ULK4: variants seen among roughly 807,000 people sequenced by gnomAD.
The protein encoded by ULK4 is unc-51 like kinase 4.
Under a neutral mutation model 160.6 loss-of-function variants are expected in ULK4, and 133 were observed. The observed-to-expected ratio is 0.83, with a 90% CI of 0.72 to 0.96. The LOEUF is 0.96. ULK4 is among the 40% of genes least tolerant of loss of function. ULK4 has a pLI of 0.00. For missense variants in ULK4, 1,580 were observed against 1,499.5 expected, an observed-to-expected ratio of 1.05 and a Z score of -0.89; for synonymous variants, 534 against 539.8, an observed-to-expected ratio of 0.99 and a Z score of 0.15.
chr3:41,538,379 A>G (rs2125949303), intron 32 of ULK4, among the ~76,000 whole-genome samples: 1 of 152,198 alleles, frequency 6.6e-6, no homozygotes, highest in East Asian at 1.9e-4. Flanking sequence ...TGGTCCTTAC[A>G]TTGGATTCAT....
intron 21 of ULK4, among the ~76,000 whole-genome samples, chr3:41,786,726 C>T (rs1318566637): frequency 1.3e-5 from 2 of 151,590 alleles, no homozygotes; most frequent in African/African-American, 4.8e-5. Flanking sequence ...GTCACAGATA[C>T]ATTTAAAAAA....
At chr3:41,814,553 C>T (rs560742295) in intron 19 of ULK4, among the ~76,000 whole-genome samples, 1 of 152,130 alleles carries the variant, frequency 6.6e-6, no homozygotes, top group Non-Finnish European at 1.5e-5. Flanking sequence ...TAGGTCTATG[C>T]TGATTGTTTT....
intron 20 of ULK4, among the ~76,000 whole-genome samples, chr3:41,797,219 G>A (rs1290202016): frequency 6.6e-6 from 1 of 151,954 alleles, no homozygotes; most frequent in African/African-American, 2.4e-5. Context: ...TTTTTAAAGG[G>A]TTACGAAAAG....
chr3:41,306,770 A>T (rs1053722333), intron 35 of ULK4, among the ~76,000 whole-genome samples: 7 of 151,516 alleles, frequency 4.6e-5, no homozygotes, highest in African/African-American at 1.7e-4. Context: ...AAAGAAGTAA[A>T]CATGGGAGAC....
chr3:41,589,138 G>C (rs1409704421), intron 31 of ULK4, among the ~76,000 whole-genome samples: 3 of 151,694 alleles, frequency 2.0e-5, no homozygotes, highest in Non-Finnish European at 4.4e-5. Flanking sequence ...AAATAACTTA[G>C]CACAGGACTA....
chr3:41,574,174 C>T (rs1038738524), intron 31 of ULK4, among the ~76,000 whole-genome samples: 3 of 151,998 alleles, frequency 2.0e-5, no homozygotes, highest in Admixed American at 6.5e-5. Flanking sequence ...AGCGAAACTC[C>T]GTCTCAAAAA....
intron 35 of ULK4, among the ~76,000 whole-genome samples, chr3:41,274,608 A>G (rs539901591): frequency 6.6e-6 from 1 of 152,348 alleles, no homozygotes; most frequent in Admixed American, 6.5e-5. Flanking sequence ...TTGTTATAAG[A>G]CTATTTTGGC....
chr3:41,265,772 A>G (rs1427208953), intron 35 of ULK4, among the ~76,000 whole-genome samples: 2 of 152,146 alleles, frequency 1.3e-5, no homozygotes, highest in Non-Finnish European at 2.9e-5. Context: ...TTTTTTGCGA[A>G]GCCTTTGAGA....
intron 31 of ULK4, among the ~76,000 whole-genome samples, chr3:41,571,959 C>T (rs893275856): frequency 6.6e-5 from 10 of 152,130 alleles, no homozygotes; most frequent in Admixed American, 1.3e-4. Flanking sequence ...CACACGGGCC[C>T]GAGCTGGGGC....
At chr3:41,371,483 C>G (rs995350880) in intron 35 of ULK4, among the ~76,000 whole-genome samples, 1 of 152,198 alleles carries the variant, frequency 6.6e-6, no homozygotes, top group Non-Finnish European at 1.5e-5. Context: ...GCAGCCTCTG[C>G]TGGTGATACC....
intron 4 of ULK4, 96 bp from the exon 5 acceptor site, chr3:41,932,102 T>C: frequency 9.5e-7 from 1 of 1,049,356 alleles, no homozygotes. Context: ...CTTTTCAGCA[T>C]TGCTATTCTT....
intron 35 of ULK4, among the ~76,000 whole-genome samples, chr3:41,357,875 G>C (rs1193475926): frequency 6.6e-6 from 1 of 152,166 alleles, no homozygotes. Context: ...AGCATCTATC[G>C]TGTGCTGGGC....
intron 18 of ULK4, among the ~76,000 whole-genome samples, chr3:41,828,897 A>T (rs1383649470): frequency 6.6e-6 from 1 of 151,304 alleles, no homozygotes; most frequent in Admixed American, 6.6e-5. Flanking sequence ...TTCAAACTAT[A>T]CTACAAGGCT....
chr3:41,833,873 C>T (rs1290924212), intron 18 of ULK4, among the ~76,000 whole-genome samples: 1 of 152,098 alleles, frequency 6.6e-6, no homozygotes, highest in South Asian at 2.1e-4. Flanking sequence ...CTGATCACCC[C>T]GGCGAGAACT....
chr3:41,796,030 A>G (rs2040290840), intron 20 of ULK4, among the ~76,000 whole-genome samples: 1 of 152,128 alleles, frequency 6.6e-6, no homozygotes, highest in African/African-American at 2.4e-5. Context: ...GCTCCTTCCT[A>G]ACCTTCCCGC....
At chr3:41,627,459 G>A (rs182104117) in intron 30 of ULK4, among the ~76,000 whole-genome samples, 6 of 152,260 alleles carry the variant, frequency 3.9e-5, no homozygotes, top group Admixed American at 6.5e-5. Context: ...CGTAAGTCCC[G>A]ATCCACTGTC....
intron 34 of ULK4, among the ~76,000 whole-genome samples, chr3:41,407,435 A>G (rs1004458468): frequency 6.6e-6 from 1 of 152,172 alleles, no homozygotes; most frequent in East Asian, 1.9e-4. Flanking sequence ...AAAACCCACT[A>G]TAGGCCAATA....
intron 17 of ULK4, among the ~76,000 whole-genome samples, chr3:41,837,770 C>T (rs976820073): frequency 1.3e-5 from 2 of 151,928 alleles, no homozygotes; most frequent in Non-Finnish European, 2.9e-5. Flanking sequence ...CATGTTGGCC[C>T]GGGTAGTTTC....
At chr3:41,261,487 C>T (rs2078941152) in intron 35 of ULK4, among the ~76,000 whole-genome samples, 1 of 152,144 alleles carries the variant, frequency 6.6e-6, no homozygotes, top group Non-Finnish European at 1.5e-5. Flanking sequence ...TTCACATCTG[C>T]CACTAAGTAC....
Sources: allele counts gnomAD v4.1 joint callset (sites outside exome capture counted in the v4.1 genomes callset), GRCh38; gene constraint gnomAD v4.1.1; transcripts MANE v1.5; gene names NCBI Gene and HGNC (gene_info 2026-07-23, HGNC 2026-07-21).